PCP4: variants seen among roughly 807,000 people sequenced by gnomAD.
The protein encoded by PCP4 is calmodulin regulator protein PCP4.
PCP4 carries 8 observed loss-of-function variants against 10.0 expected under a neutral mutation model. The observed-to-expected ratio is 0.80, with a 90% confidence interval of 0.47 to 1.45. The LOEUF (loss-of-function observed/expected upper bound fraction) is 1.45. Ranked by LOEUF, PCP4 falls within the 40% of genes most tolerant of loss-of-function variation. PCP4 has a pLI of 0.00. For missense variants in PCP4, 54 were observed against 74.4 expected, an observed-to-expected ratio of 0.73 and a Z score of 1.01; for synonymous variants, 21 against 23.0, an observed-to-expected ratio of 0.91 and a Z score of 0.24.
intron 1 of PCP4, among the ~76,000 whole-genome samples, chr21:39,876,120 A>G (rs1159182277): frequency 6.7e-6 from 1 of 150,132 alleles, no homozygotes; most frequent in African/African-American, 2.4e-5. Context: ...TTAAATATAT[A>G]GTAAATAATA....
chr21:39,927,494 G>A (rs1398932606), intron 2 of PCP4, among the ~76,000 whole-genome samples: 2 of 152,150 alleles, frequency 1.3e-5, no homozygotes, highest in East Asian at 3.9e-4. Context: ...TGGTGCCTGA[G>A]CATTATTATG....
Position 39,870,004 on chromosome 21 carries a change from G to A in PCP4, c.9+2494G>A, listed in dbSNP as rs946890259. ...GCTGAGTGCCTGCTGCAGAGGCTCC[G>A]GAGCTCATTAGCTGCTTACCCAGGC... On this transcript the variant is annotated intron_variant, in intron 1 of 2. Transcript: ENST00000328619. 5.3e-5 allele frequency among the ~76,000 whole-genome samples: 8 copies of A among 152,170 alleles called. No individual in the cohort carries two copies. The East Asian group carries it at 5.8e-4, about 11-fold the overall frequency.
intron 1 of PCP4, among the ~76,000 whole-genome samples, chr21:39,889,411 CTTTTTTT>C (rs547540626): frequency 7.0e-5 from 6 of 85,694 alleles, no homozygotes; most frequent in Non-Finnish European, 1.3e-4. Flanking sequence ...AAACCAAGTT[CTTTTTTT>C]TTTTTTTTTT....
intron 1 of PCP4, among the ~76,000 whole-genome samples, chr21:39,897,364 G>C (rs12482341): frequency 0.06 from 8,905 of 148,068 alleles, 373 homozygotes; most frequent in Middle Eastern, 0.099. Context: ...CTCCAGCCTG[G>C]GACAGAGTGA....
At chr21:39,909,483 C>T (rs1025313817) in intron 2 of PCP4, among the ~76,000 whole-genome samples, 2 of 152,184 alleles carry the variant, frequency 1.3e-5, no homozygotes, top group African/African-American at 4.8e-5. Flanking sequence ...GGAGCAGATG[C>T]TTCTTATTCA....
intron 2 of PCP4, among the ~76,000 whole-genome samples, chr21:39,926,740 CATTA>C (rs2087623497): frequency 6.6e-6 from 1 of 152,218 alleles, no homozygotes; most frequent in African/African-American, 2.4e-5. Context: ...CATGTGATAA[CATTA>C]ATTAACCACT....
At position 39,890,604 on chromosome 21, in the gene PCP4, G is replaced by A. The variant is rs570546838; in HGVS notation, c.10-7872G>A. On this transcript the variant is annotated intron_variant, in intron 1 of 2. Coordinates refer to ENST00000328619, the MANE Select transcript of PCP4 (RefSeq NM_006198.3). ...GGCTGGTCTCAAACTCCTGACCTCA[G>A]GTGATCCACCCACCTCGGCCTCCCA... Among the ~76,000 whole-genome samples, 13 of 151,758 alleles carry A rather than the reference G, an allele frequency of 8.6e-5. No individual in the cohort carries two copies. The South Asian group carries it at 1.9e-3, about 22-fold the overall frequency.
At chr21:39,895,172 C>T (rs1210648490) in intron 1 of PCP4, among the ~76,000 whole-genome samples, 3 of 152,126 alleles carry the variant, frequency 2.0e-5, no homozygotes, top group African/African-American at 2.4e-5. Context: ...TCCATCCACC[C>T]ATTCATCCAC....
At chr21:39,875,584 G>A (rs1172435122) in intron 1 of PCP4, among the ~76,000 whole-genome samples, 1 of 152,130 alleles carries the variant, frequency 6.6e-6, no homozygotes, top group Non-Finnish European at 1.5e-5. Flanking sequence ...TTATCCTCTT[G>A]CCTTCTATGA....
At chr21:39,876,979 C>T (rs562469330) in intron 1 of PCP4, among the ~76,000 whole-genome samples, 14 of 152,304 alleles carry the variant, frequency 9.2e-5, no homozygotes, top group East Asian at 7.7e-4. Flanking sequence ...AGAAGGGCAT[C>T]GTTGTCATTT....
chr21:39,921,173 G>A (rs1333119872), intron 2 of PCP4, among the ~76,000 whole-genome samples: 1 of 152,162 alleles, frequency 6.6e-6, no homozygotes, highest in Non-Finnish European at 1.5e-5. Context: ...TTTGCAAGCT[G>A]GTTGACTGTA....
In PCP4 at chr21:39,929,009, A is replaced by G. The variant is rs1304867461; in HGVS notation, c.87A>G (p.Glu29=). The G allele has an allele frequency of 1.2e-6, 2 of 1,613,106 alleles. No individual in the cohort carries two copies. The highest frequency in any genetic ancestry group is 1.7e-6 in the Non-Finnish European group (2 of 1,179,600). The change falls in exon 3 of 3, where the codon GAA becomes GAG. Residue 29 remains glutamate, a synonymous_variant. Transcript: ENST00000328619. ...ENDGQKKVQE[E]FDIDMDAPET... ...ATGGACAGAAGAAAGTTCAAGAAGA[A>G]TTTGACATTGACATGGATGCACCAG...
chr21:39,927,357 CT>C (rs1481546000), intron 2 of PCP4, among the ~76,000 whole-genome samples: 1 of 140,890 alleles, frequency 7.1e-6, no homozygotes, highest in Non-Finnish European at 1.6e-5. Flanking sequence ...ATCTATCTAT[CT>C]ATCTATCTAT....
intron 1 of PCP4, among the ~76,000 whole-genome samples, chr21:39,884,422 G>T (rs998042095): frequency 6.6e-6 from 1 of 151,734 alleles, no homozygotes; most frequent in African/African-American, 2.4e-5. Context: ...CAGGTGATCC[G>T]CCTGTCTCAG....
chr21:39,917,984 C>T (rs1178989761), intron 2 of PCP4, among the ~76,000 whole-genome samples: 1 of 152,052 alleles, frequency 6.6e-6, no homozygotes, highest in African/African-American at 2.4e-5. Flanking sequence ...TGTGAGGACA[C>T]AGAGGGAAGC....
intron 2 of PCP4, among the ~76,000 whole-genome samples, chr21:39,916,985 G>T (rs1055662376): frequency 6.6e-6 from 1 of 152,168 alleles, no homozygotes; most frequent in African/African-American, 2.4e-5. Flanking sequence ...TGGATGCTGG[G>T]CTTAATACCT....
At chr21:39,916,751 A>G (rs751585402) in intron 2 of PCP4, among the ~76,000 whole-genome samples, 17 of 152,208 alleles carry the variant, frequency 1.1e-4, no homozygotes, top group African/African-American at 2.9e-4. Context: ...AAGACCATGG[A>G]ATACTATGCA....
At chr21:39,926,139 G>A (rs986673521) in intron 2 of PCP4, 6 of 450,942 alleles carry the variant, frequency 1.3e-5, no homozygotes, top group Middle Eastern at 3.2e-4. Context: ...CTTCCCCGCC[G>A]CCCCGGGAAC....
chr21:39,891,202 G>T, intron 1 of PCP4, among the ~76,000 whole-genome samples: 1 of 152,204 alleles, frequency 6.6e-6, no homozygotes, highest in East Asian at 1.9e-4. Context: ...ACCCAGCCTT[G>T]TCTATGTGCT....
Sources: allele counts gnomAD v4.1 joint callset (sites outside exome capture counted in the v4.1 genomes callset), GRCh38; gene constraint gnomAD v4.1.1; transcripts MANE v1.5; gene names NCBI Gene and HGNC (gene_info 2026-07-23, HGNC 2026-07-21).